Variants in ALOX5 observed in about 807,000 individuals in gnomAD.
The protein encoded by ALOX5 is polyunsaturated fatty acid 5-lipoxygenase.
Under a neutral mutation model 87.9 loss-of-function variants are expected in ALOX5, and 64 were observed. That is an observed-to-expected ratio of 0.73 (90% confidence interval 0.60 to 0.90). The LOEUF (loss-of-function observed/expected upper bound fraction) is 0.90, where lower values mean the gene tolerates loss of function less well. ALOX5 is among the 40% of genes least tolerant of loss of function. The pLI is 0.00. For synonymous variants in ALOX5, 388 were observed against 355.1 expected (o/e 1.09, Z -1.04); for missense variants, 822 against 907.5 (o/e 0.91, Z 1.21).
chr10:45,401,171 T>C (rs1166045831), intron 3 of ALOX5, among the ~76,000 whole-genome samples: 1 of 152,200 alleles, frequency 6.6e-6, no homozygotes, highest in Non-Finnish European at 1.5e-5. Flanking sequence ...CTTTGGCCCC[T>C]GGAAACATTT....
At chr10:45,401,395 G>T (rs1840695011) in intron 3 of ALOX5, among the ~76,000 whole-genome samples, 1 of 152,106 alleles carries the variant, frequency 6.6e-6, no homozygotes, top group African/African-American at 2.4e-5. Context: ...TATAGAGCCA[G>T]AAAAATACCT....
chr10:45,414,065 T>G (rs1841173095), intron 4 of ALOX5, among the ~76,000 whole-genome samples: 1 of 152,214 alleles, frequency 6.6e-6, no homozygotes, highest in South Asian at 2.1e-4. Context: ...AATGACTTTC[T>G]GCACAGAATT....
chr10:45,391,054 C>CACGG (rs1205753852), intron 2 of ALOX5, among the ~76,000 whole-genome samples: 1,429 of 92,726 alleles, frequency 0.015, 27 homozygotes, highest in East Asian at 0.048. Flanking sequence ...CCCCTCTCCC[C>CACGG]TCTCCCTCTC....
Position 45,382,474 on chromosome 10 carries a change from C to G in ALOX5, c.151-9C>G. 6.2e-7 allele frequency: 1 copy of G among 1,614,170 alleles called. No homozygotes were observed. Among genetic ancestry groups the G allele is most frequent in the South Asian group, 1.1e-5 (1 of 91,078 alleles). ...CACGCATGGCCTGATTGCCTGTTCT[C>G]CTTCCCAGGTGGATTCATACGACGT... On this transcript the variant is annotated splice_polypyrimidine_tract_variant and intron_variant, in intron 1 of 13. Transcript: ENST00000374391.
intron 7 of ALOX5, among the ~76,000 whole-genome samples, chr10:45,437,038 A>G (rs1210952796): frequency 1.3e-5 from 2 of 152,124 alleles, no homozygotes; most frequent in East Asian, 1.9e-4. Flanking sequence ...GAACCTGAAC[A>G]TTGTTGGTGC....
intron 1 of ALOX5, among the ~76,000 whole-genome samples, chr10:45,378,686 A>G (rs1839718282): frequency 6.6e-6 from 1 of 152,172 alleles, no homozygotes; most frequent in South Asian, 2.1e-4. Context: ...TTTATCTGTC[A>G]TTCTTCCATT....
In ALOX5 at chr10:45,428,774, TG is replaced by T. The variant is rs768038790; in HGVS notation, c.981+16del. 2.2e-5 allele frequency: 36 copies of T among 1,613,330 alleles called. 1 individual carries two copies. In the Middle Eastern group the frequency reaches 1.0e-3, roughly 47 times the overall value. ...CCCCATTGCCATCCAGGTAGGCTGC[TG>T]GGGGGCACACCTTTCTGAGCAGCTC... On this transcript the variant is annotated intron_variant, in intron 7 of 13. Transcript: ENST00000374391.
chr10:45,427,694 G>A (rs1029740000), intron 6 of ALOX5, among the ~76,000 whole-genome samples: 14 of 152,262 alleles, frequency 9.2e-5, no homozygotes, highest in Middle Eastern at 3.4e-3. Flanking sequence ...GCTTCAGAAG[G>A]AGCGGCCATG....
At chr10:45,417,914 A>C (rs574766163) in intron 4 of ALOX5, among the ~76,000 whole-genome samples, 2 of 152,174 alleles carry the variant, frequency 1.3e-5, no homozygotes, top group South Asian at 4.1e-4. Flanking sequence ...CTCTGGCCCC[A>C]GTGAGGTCCC....
Position 45,424,111 on chromosome 10 carries a change from G to A in ALOX5, c.625G>A (p.Glu209Lys). The A allele has an allele frequency of 6.2e-7, 1 of 1,614,224 alleles. No homozygotes were observed. The highest frequency in any genetic ancestry group is 8.5e-7 in the Non-Finnish European group (1 of 1,180,032). The change falls in exon 5 of 14, where the codon GAG becomes AAG. Residue 209 changes from glutamate to lysine, a missense_variant. Physicochemically the swap from Glu to Lys is moderately conservative, Grantham distance 56. Coordinates refer to ENST00000374391, the MANE Select transcript of ALOX5 (RefSeq NM_000698.5). ...TTCTTGGAATGACTTCGCCGACTTT[G>A]AGAAAATCTTTGTCAAGATCAGCAA... ...QSSWNDFADF[E>K]KIFVKISNTI...
intron 2 of ALOX5, among the ~76,000 whole-genome samples, chr10:45,389,165 C>T (rs1255459586): frequency 2.6e-5 from 4 of 152,086 alleles, no homozygotes; most frequent in South Asian, 2.1e-4. Context: ...AAGAAATGAA[C>T]GAAGCCTCCA....
intron 7 of ALOX5, among the ~76,000 whole-genome samples, chr10:45,440,145 C>T (rs887502405): frequency 3.3e-5 from 5 of 152,186 alleles, no homozygotes; most frequent in Admixed American, 6.5e-5. Flanking sequence ...GCTGCCAGCT[C>T]CTGAGTAACT....
At chr10:45,428,148 C>T (rs1265507835) in intron 6 of ALOX5, among the ~76,000 whole-genome samples, 2 of 151,352 alleles carry the variant, frequency 1.3e-5, no homozygotes, top group African/African-American at 2.4e-5. Context: ...CCCCCTACCC[C>T]ACCCGGCGGA....
At chr10:45,399,657 G>A (rs1840629515) in intron 3 of ALOX5, among the ~76,000 whole-genome samples, 1 of 152,146 alleles carries the variant, frequency 6.6e-6, no homozygotes, top group African/African-American at 2.4e-5. Context: ...TCATTAAAAT[G>A]TAAAAGATCT....
intron 3 of ALOX5, among the ~76,000 whole-genome samples, chr10:45,410,926 G>C (rs141681701): frequency 3.5e-4 from 54 of 152,284 alleles, no homozygotes; most frequent in African/African-American, 9.9e-4. Context: ...ATAAAGAAAG[G>C]CTACTCCATA....
Position 45,392,157 on chromosome 10 carries a change from C to A in ALOX5, c.350-3698C>A, listed in dbSNP as rs1840304988. On this transcript the variant is annotated intron_variant, in intron 2 of 13. Coordinates refer to ENST00000374391, the MANE Select transcript of ALOX5 (RefSeq NM_000698.5). ...GGGTGCCTCTGCCTGGCCACCCCTA[C>A]TGGGAAGTGAGGAGCCCCTCTGCCT... Among the ~76,000 whole-genome samples the A allele has an allele frequency of 2.6e-5, 4 of 152,212 alleles. No individual in the cohort carries two copies. In the South Asian group the frequency reaches 8.3e-4, roughly 32 times the overall value.
At chr10:45,391,008 TCTCCTC>T (rs1840207991) in intron 2 of ALOX5, among the ~76,000 whole-genome samples, 1 of 21,336 alleles carries the variant, frequency 4.7e-5, no homozygotes, top group Admixed American at 6.0e-4. Flanking sequence ...CTCTCCCCTC[TCTCCTC>T]TCCCATCTCC....
At chr10:45,426,551 G>A (rs762801842) in intron 6 of ALOX5, among the ~76,000 whole-genome samples, 2 of 152,182 alleles carry the variant, frequency 1.3e-5, no homozygotes, top group East Asian at 1.9e-4. Flanking sequence ...GTTATTTTCC[G>A]GATCATGAAT....
At chr10:45,384,334 T>C (rs1251741982) in intron 2 of ALOX5, among the ~76,000 whole-genome samples, 1 of 152,168 alleles carries the variant, frequency 6.6e-6, no homozygotes, top group Non-Finnish European at 1.5e-5. Context: ...AGGGTGAGCA[T>C]AGAGAAGCTG....
Sources: allele counts gnomAD v4.1 joint callset (sites outside exome capture counted in the v4.1 genomes callset), GRCh38; gene constraint gnomAD v4.1.1; transcripts MANE v1.5; gene names NCBI Gene and HGNC (gene_info 2026-07-23, HGNC 2026-07-21).